Variants in POLR1C observed in about 807,000 individuals in gnomAD.
The protein encoded by POLR1C is DNA-directed RNA polymerases I and III subunit RPAC1.
Under a neutral mutation model 38.3 loss-of-function variants are expected in POLR1C, and 42 were observed. That is an observed-to-expected ratio of 1.10 (90% CI 0.86 to 1.42). The LOEUF is 1.42. POLR1C is among the 40% of genes most tolerant of loss of function. The probability of loss-of-function intolerance (pLI) is 0.00; values close to 1 mark genes in which losing one functional copy is unlikely to be tolerated. For synonymous variants in POLR1C, 163 were observed against 163.9 expected, an observed-to-expected ratio of 0.99 and a Z score of 0.04; for missense variants, 507 against 450.5, an observed-to-expected ratio of 1.13 and a Z score of -1.14.
chr6:43,520,156 A>AC lies in POLR1C; in HGVS notation c.477dup (p.Asn160GlnfsTer24). 1 of 1,614,148 alleles carries AC rather than the reference A, an allele frequency of 6.2e-7. No individual in the cohort carries two copies. The highest frequency in any genetic ancestry group is 8.5e-7 in the Non-Finnish European group (1 of 1,180,014). On this transcript the variant is annotated frameshift_variant, in exon 5 of 9. Transcript: ENST00000642195. LOFTEE classifies it high-confidence loss of function. Reference sequence around the variant, plus strand: ...CCCCATGCTGCTAAAGATTCCTCTGACCCCAACGAACTGTACGTGAACCAC... The same window carrying AC: ...CCCCATGCTGCTAAAGATTCCTCTGACCCCCAACGAACTGTACGTGAACCAC...
chr6:43,539,510 T>C lies in POLR1C; in HGVS notation c.*4+10151T>C, dbSNP rs567439942. 662 of 1,560,310 alleles carry C rather than the reference T, an allele frequency of 4.2e-4. 3 individuals are homozygous for C. The African/African-American group carries it at 7.5e-3, about 18-fold the overall frequency. On this transcript the variant is annotated intron_variant, in intron 9 of 10. Coordinates refer to the POLR1C transcript ENST00000607635. ...CATGTCCTTGACCAAGCGGCCCAGCTTGGTGACGGGCATCCACTCCTTATC... is the reference window on the plus strand; with the variant it reads ...CATGTCCTTGACCAAGCGGCCCAGCCTGGTGACGGGCATCCACTCCTTATC...
intron 2 of POLR1C, among the ~76,000 whole-genome samples, chr6:43,518,669 T>C (rs1347843808): frequency 6.6e-6 from 1 of 152,032 alleles, no homozygotes; most frequent in African/African-American, 2.4e-5. Flanking sequence ...ACCAGGGGAA[T>C]AGTTCAAAAA....
chr6:43,526,701 G>T lies in POLR1C; in HGVS notation c.923-2548G>T, dbSNP rs376843416. 297 of 1,613,806 alleles carry T rather than the reference G, an allele frequency of 1.8e-4. No homozygotes were observed. Among genetic ancestry groups the T allele is most frequent in the Non-Finnish European group, 2.3e-4 (277 of 1,179,868 alleles). On this transcript the variant is annotated intron_variant, in intron 8 of 8. Transcript: ENST00000304004. ...CTCACTTACCGTCTCCATCTGCTGG[G>T]GGAGCACTACTGTGGTCAGCACCCT...
At chr6:43,550,516 T>C (rs2127731862) in intron 9 of POLR1C, among the ~76,000 whole-genome samples, 1 of 152,340 alleles carries the variant, frequency 6.6e-6, no homozygotes, top group Non-Finnish European at 1.5e-5. Context: ...CCAATGATGG[T>C]GATTCACTAG....
intron 8 of POLR1C, chr6:43,527,584 T>A: frequency 6.3e-7 from 1 of 1,593,984 alleles, no homozygotes; most frequent in Non-Finnish European, 8.6e-7. Flanking sequence ...AGCGACCAGC[T>A]CTTCTTCCAG....
At chr6:43,558,468 T>C (rs774140426) in intron 10 of POLR1C, 5 of 1,544,248 alleles carry the variant, frequency 3.2e-6, no homozygotes, top group Middle Eastern at 1.7e-4. Flanking sequence ...ATTCTGAGAC[T>C]GTTGAGAGAA....
intron 9 of POLR1C, among the ~76,000 whole-genome samples, chr6:43,550,363 C>T (rs1268838892): frequency 6.6e-6 from 1 of 152,180 alleles, no homozygotes; most frequent in Non-Finnish European, 1.5e-5. Context: ...TCAAGAAACT[C>T]ACTGGGCATT....
downstream of POLR1C, chr6:43,525,470 A>G (rs1793522189): frequency 1.9e-6 from 1 of 516,832 alleles, no homozygotes; most frequent in Admixed American, 3.5e-5. Context: ...CTAAGCAGGA[A>G]AAATAAAAGG....
At chr6:43,539,235 G>A in intron 9 of POLR1C, 2 of 1,284,852 alleles carry the variant, frequency 1.6e-6, no homozygotes, top group South Asian at 1.2e-5. Context: ...AGCTTGGCCA[G>A]GATGATGGCC....
downstream of POLR1C, chr6:43,524,562 A>T: frequency 6.2e-7 from 1 of 1,613,950 alleles, no homozygotes; most frequent in East Asian, 2.2e-5. Flanking sequence ...CTTGCAGTCA[A>T]ACTGGTCCAG....
intron 8 of POLR1C, chr6:43,526,599 A>G (rs1793609024): frequency 6.7e-7 from 1 of 1,489,516 alleles, no homozygotes. Flanking sequence ...TCTCCTCACC[A>G]GACTGCAAGG....
intron 9 of POLR1C, among the ~76,000 whole-genome samples, chr6:43,536,509 A>G (rs1490200528): frequency 6.6e-6 from 1 of 151,774 alleles, no homozygotes; most frequent in Non-Finnish European, 1.5e-5. Flanking sequence ...CTGTAATCCC[A>G]GCACTTTAGG....
At chr6:43,560,195 T>G in intron 10 of POLR1C, 1 of 1,612,712 alleles carries the variant, frequency 6.2e-7, no homozygotes, top group Non-Finnish European at 8.5e-7. Flanking sequence ...AAGTTAGTCA[T>G]GGAAGCACGA....
chr6:43,544,765 G>A (rs1402270019), intron 9 of POLR1C, among the ~76,000 whole-genome samples: 2 of 152,066 alleles, frequency 1.3e-5, no homozygotes, highest in South Asian at 2.1e-4. Context: ...AAAACATCAC[G>A]ATAGAAATAA....
chr6:43,531,348 AG>A (rs1793962992), downstream of POLR1C: 2 of 802,478 alleles, frequency 2.5e-6, no homozygotes, highest in African/African-American at 1.7e-5. Flanking sequence ...ATTTAACACT[AG>A]AATGATAAGT....
In POLR1C at chr6:43,519,665, G is replaced by C. The variant is rs113769410; in HGVS notation, c.250-41G>C. 1,698 of 1,614,130 alleles carry C rather than the reference G, an allele frequency of 1.1e-3. 15 individuals carry two copies. In the African/African-American group the frequency reaches 0.02, roughly 19 times the overall value. ...GGTTACGGGGATAGGTAGGGGGTCT[G>C]TTGGGTTTTTGCAGATAAGTGGTTA... On this transcript the variant is annotated intron_variant, in intron 3 of 8. Coordinates refer to ENST00000642195, the MANE Select transcript of POLR1C (RefSeq NM_203290.4).
chr6:43,553,955 T>C (rs1036556530), intron 10 of POLR1C, among the ~76,000 whole-genome samples: 21 of 152,268 alleles, frequency 1.4e-4, no homozygotes, highest in African/African-American at 4.8e-4. Flanking sequence ...AAGGAAACAA[T>C]GTAATATACA....
At chr6:43,549,891 A>AC in intron 9 of POLR1C, 1 of 1,609,836 alleles carries the variant, frequency 6.2e-7, no homozygotes, top group Non-Finnish European at 8.5e-7. Context: ...TAATGGTCTT[A>AC]CCTTACTTTC....
At chr6:43,542,495 C>A (rs372109931) in intron 9 of POLR1C, among the ~76,000 whole-genome samples, 1 of 152,084 alleles carries the variant, frequency 6.6e-6, no homozygotes. Context: ...CTGCAACCTC[C>A]GCCTCCCAAG....
Sources: allele counts gnomAD v4.1 joint callset (sites outside exome capture counted in the v4.1 genomes callset), GRCh38; gene constraint gnomAD v4.1.1; transcripts MANE v1.5; gene names NCBI Gene and HGNC (gene_info 2026-07-23, HGNC 2026-07-21).